Variants in NRXN1 observed in about 807,000 individuals in gnomAD.
NRXN1 encodes neurexin 1.
NRXN1 carries 39 observed loss-of-function variants against 150.9 expected under a neutral mutation model. The observed-to-expected ratio is 0.26, with a 90% confidence interval of 0.20 to 0.34. The LOEUF is 0.34. Among genes scored for constraint, NRXN1 ranks in the 10% least tolerant of loss-of-function variants. The probability of loss-of-function intolerance (pLI) is 1.00; values close to 1 mark genes in which losing one functional copy is unlikely to be tolerated. For synonymous variants in NRXN1, 924 were observed against 757.0 expected (o/e 1.22, Z -3.62); for missense variants, 1,815 against 1,949.9 (o/e 0.93, Z 1.30).
chr2:50,082,357 T>C (rs1431903347), intron 19 of NRXN1, among the ~76,000 whole-genome samples: 1 of 152,212 alleles, frequency 6.6e-6, no homozygotes, highest in Non-Finnish European at 1.5e-5. Flanking sequence ...TTCATTATGA[T>C]AAGAACTTAA....
At chr2:50,580,728 C>A (rs891024251) in intron 8 of NRXN1, among the ~76,000 whole-genome samples, 1 of 152,126 alleles carries the variant, frequency 6.6e-6, no homozygotes, top group African/African-American at 2.4e-5. Context: ...TCCTTTGTGG[C>A]AGTCTGGTTC....
chr2:50,795,321 C>G (rs554167367), intron 5 of NRXN1, among the ~76,000 whole-genome samples: 3 of 152,152 alleles, frequency 2.0e-5, no homozygotes, highest in South Asian at 4.1e-4. Context: ...TTTAAAAGAC[C>G]CAATTTTCTT....
intron 5 of NRXN1, among the ~76,000 whole-genome samples, chr2:50,643,957 G>A (rs977953565): frequency 6.6e-6 from 1 of 151,696 alleles, no homozygotes; most frequent in Admixed American, 6.6e-5. Context: ...ATTGCCCTCA[G>A]TCTATAATTT....
At chr2:51,002,120 G>T (rs1700150313) in intron 2 of NRXN1, among the ~76,000 whole-genome samples, 1 of 151,866 alleles carries the variant, frequency 6.6e-6, no homozygotes, top group South Asian at 2.1e-4. Context: ...ATTTTTTCAG[G>T]TCTTCACTTC....
At chr2:50,943,548 G>A (rs942847696) in intron 2 of NRXN1, among the ~76,000 whole-genome samples, 1 of 152,112 alleles carries the variant, frequency 6.6e-6, no homozygotes. Context: ...TGAAACTTAG[G>A]AATGAATTAT....
chr2:50,705,813 A>C (rs866690630), intron 5 of NRXN1, among the ~76,000 whole-genome samples: 2 of 152,124 alleles, frequency 1.3e-5, no homozygotes, highest in Non-Finnish European at 1.5e-5. Flanking sequence ...AATTGCCCTT[A>C]TGTTGATTGG....
intron 8 of NRXN1, among the ~76,000 whole-genome samples, chr2:50,554,873 G>T (rs937220438): frequency 5.9e-5 from 9 of 152,024 alleles, no homozygotes; most frequent in African/African-American, 2.2e-4. Flanking sequence ...TATGTACAAT[G>T]GTTTAACAAG....
chr2:51,016,857 A>T (rs1326271290), intron 2 of NRXN1, among the ~76,000 whole-genome samples: 1 of 152,148 alleles, frequency 6.6e-6, no homozygotes, highest in Non-Finnish European at 1.5e-5. Context: ...ACCAACCCAA[A>T]TGCCCATCAA....
intron 15 of NRXN1, among the ~76,000 whole-genome samples, chr2:50,477,305 G>C (rs900667351): frequency 2.6e-5 from 4 of 152,182 alleles, no homozygotes; most frequent in Non-Finnish European, 5.9e-5. Context: ...AGCAAAGCAG[G>C]CTAGGAAACT....
At chr2:50,048,276 AT>A (rs1692150779) in intron 21 of NRXN1, among the ~76,000 whole-genome samples, 2 of 152,186 alleles carry the variant, frequency 1.3e-5, no homozygotes, top group South Asian at 4.1e-4. Context: ...TGCTGTAAAA[AT>A]GTACATTAAT....
intron 17 of NRXN1, among the ~76,000 whole-genome samples, chr2:50,420,962 C>CTG (rs4032055): frequency 0.072 from 8,616 of 119,876 alleles, 377 homozygotes; most frequent in Middle Eastern, 0.12. Flanking sequence ...CAAAATAGAC[C>CTG]TGTGTGTGTG....
intron 18 of NRXN1, among the ~76,000 whole-genome samples, chr2:50,158,945 C>T (rs373931191): frequency 5.3e-5 from 8 of 152,074 alleles, no homozygotes; most frequent in African/African-American, 1.9e-4. Flanking sequence ...ATAGGGACAT[C>T]CAAGGATCAC....
At chr2:50,014,340 A>G (rs546451138) in intron 21 of NRXN1, among the ~76,000 whole-genome samples, 84 of 152,252 alleles carry the variant, frequency 5.5e-4, no homozygotes, top group African/African-American at 2.0e-3. Flanking sequence ...GTTATATACT[A>G]TTTTAAAAAC....
intron 5 of NRXN1, among the ~76,000 whole-genome samples, chr2:50,701,519 T>C (rs1208744661): frequency 6.6e-6 from 1 of 152,164 alleles, no homozygotes; most frequent in East Asian, 1.9e-4. Context: ...GTCTTGCATT[T>C]TTCTGAATGG....
At chr2:50,805,370 T>G (rs367665491) in intron 5 of NRXN1, among the ~76,000 whole-genome samples, 59 of 152,236 alleles carry the variant, frequency 3.9e-4, no homozygotes, top group African/African-American at 1.4e-3. Context: ...TAAAATATTT[T>G]CCAGGCAGGT....
chr2:50,912,484 G>A (rs6760782), intron 5 of NRXN1, among the ~76,000 whole-genome samples: 12,861 of 151,854 alleles, frequency 0.085, 581 homozygotes, highest in South Asian at 0.12. Context: ...ATTTGAAAGT[G>A]CCACATATTT....
chr2:50,435,749 C>T (rs868581429), intron 17 of NRXN1, among the ~76,000 whole-genome samples: 16 of 152,048 alleles, frequency 1.1e-4, no homozygotes, highest in African/African-American at 3.6e-4. Context: ...GGGAGCTAAA[C>T]ATTGAGAACA....
At chr2:50,827,993 C>T (rs1350227336) in intron 5 of NRXN1, among the ~76,000 whole-genome samples, 2 of 144,364 alleles carry the variant, frequency 1.4e-5, no homozygotes, top group Admixed American at 1.4e-4. Flanking sequence ...GAAAAGTCTC[C>T]CACGTCTACT....
At chr2:50,621,020 G>A (rs1679915262) in intron 7 of NRXN1, 1 of 522,618 alleles carries the variant, frequency 1.9e-6, no homozygotes, top group Non-Finnish European at 3.4e-6. Context: ...AGGTGAGTTG[G>A]AAAACAGAAG....
Sources: allele counts gnomAD v4.1 joint callset (sites outside exome capture counted in the v4.1 genomes callset), GRCh38; gene constraint gnomAD v4.1.1; transcripts MANE v1.5; gene names NCBI Gene and HGNC (gene_info 2026-07-23, HGNC 2026-07-21).